EPB41L4B: variants seen among roughly 807,000 people sequenced by gnomAD.
The protein encoded by EPB41L4B is band 4.1-like protein 4B.
A neutral mutation model predicts 112.5 loss-of-function variants in EPB41L4B; 30 were observed. That is an observed-to-expected ratio of 0.27 (90% confidence interval 0.20 to 0.36). EPB41L4B has a LOEUF of 0.36. EPB41L4B is among the 10% of genes least tolerant of loss of function. EPB41L4B has a pLI of 1.00. For synonymous variants in EPB41L4B, 408 were observed against 439.7 expected (o/e 0.93, Z 0.90); for missense variants, 1,024 against 1,133.3 (o/e 0.90, Z 1.38).
intron 1 of EPB41L4B, among the ~76,000 whole-genome samples, chr9:109,290,174 C>G (rs1342057181): frequency 6.6e-6 from 1 of 152,200 alleles, no homozygotes; most frequent in Non-Finnish European, 1.5e-5. Flanking sequence ...GCAATATGAC[C>G]ATGGCCTTAG....
At chr9:109,295,095 G>A (rs1420437242) in intron 1 of EPB41L4B, among the ~76,000 whole-genome samples, 1 of 152,058 alleles carries the variant, frequency 6.6e-6, no homozygotes, top group Non-Finnish European at 1.5e-5. Flanking sequence ...AAGAGTCCTG[G>A]CACCCAACTC....
chr9:109,221,875 T>C (rs1211220478), intron 15 of EPB41L4B, among the ~76,000 whole-genome samples: 1 of 152,136 alleles, frequency 6.6e-6, no homozygotes, highest in Non-Finnish European at 1.5e-5. Flanking sequence ...CAAATAGATA[T>C]CATCTGTCAT....
chr9:109,189,623 TTTTTA>T (rs1374620039), intron 22 of EPB41L4B, among the ~76,000 whole-genome samples: 1 of 152,176 alleles, frequency 6.6e-6, no homozygotes, highest in Non-Finnish European at 1.5e-5. Context: ...GTTCTTTTTC[TTTTTA>T]TTTATTTATT....
intron 4 of EPB41L4B, among the ~76,000 whole-genome samples, chr9:109,266,201 G>A (rs910470541): frequency 6.6e-6 from 1 of 152,128 alleles, no homozygotes; most frequent in African/African-American, 2.4e-5. Flanking sequence ...GCAAAACGCT[G>A]TCTCTATTTT....
At chr9:109,308,099 C>T (rs1458968576) in intron 1 of EPB41L4B, among the ~76,000 whole-genome samples, 1 of 152,108 alleles carries the variant, frequency 6.6e-6, no homozygotes, top group African/African-American at 2.4e-5. Flanking sequence ...GCCCAATTCC[C>T]TTCTCATTGA....
chr9:109,216,647 CA>C (rs10568620), intron 16 of EPB41L4B, among the ~76,000 whole-genome samples: 14,273 of 132,358 alleles, frequency 0.11, 771 homozygotes, highest in East Asian at 0.15. Context: ...GACTCCATCT[CA>C]AAAAAAAAAA....
At chr9:109,274,319 TG>T (rs1293049732) in intron 2 of EPB41L4B, among the ~76,000 whole-genome samples, 1 of 152,106 alleles carries the variant, frequency 6.6e-6, no homozygotes. Context: ...TTACTACCAC[TG>T]CCCCAAATCC....
chr9:109,319,932 G>T (rs1298163787), intron 1 of EPB41L4B, among the ~76,000 whole-genome samples: 2 of 152,166 alleles, frequency 1.3e-5, no homozygotes, highest in African/African-American at 2.4e-5. Flanking sequence ...GTGCCAAGGA[G>T]GGGGCACGGG....
intron 1 of EPB41L4B, among the ~76,000 whole-genome samples, chr9:109,286,119 T>C (rs909887671): frequency 2.7e-4 from 35 of 129,100 alleles, no homozygotes; most frequent in African/African-American, 1.0e-3. Flanking sequence ...AGGCGCTCCA[T>C]AAATGACTAT....
intron 7 of EPB41L4B, among the ~76,000 whole-genome samples, chr9:109,257,958 T>G (rs1288145586): frequency 6.6e-6 from 1 of 152,174 alleles, no homozygotes; most frequent in Non-Finnish European, 1.5e-5. Flanking sequence ...ATAGTGCCAC[T>G]GCACTCTGGC....
At chr9:109,203,626 G>C (rs1564263055) in intron 19 of EPB41L4B, 37 bp downstream of exon 19, 1 of 1,479,698 alleles carries the variant, frequency 6.8e-7, no homozygotes, top group Non-Finnish European at 9.5e-7. Context: ...ATGATACAGA[G>C]AATATCATTT....
At chr9:109,319,159 G>A (rs1298772662) in intron 1 of EPB41L4B, among the ~76,000 whole-genome samples, 1 of 152,168 alleles carries the variant, frequency 6.6e-6, no homozygotes, top group Non-Finnish European at 1.5e-5. Flanking sequence ...GGTGCACAGT[G>A]GGCGCCCGAT....
intron 20 of EPB41L4B, among the ~76,000 whole-genome samples, chr9:109,196,468 C>T (rs913389717): frequency 2.8e-4 from 42 of 152,196 alleles, no homozygotes; most frequent in African/African-American, 8.7e-4. Flanking sequence ...CCTGTAATCC[C>T]GGCACTCTGG....
At chr9:109,236,639 T>G (rs1279429177) in intron 15 of EPB41L4B, among the ~76,000 whole-genome samples, 1 of 152,220 alleles carries the variant, frequency 6.6e-6, no homozygotes, top group Non-Finnish European at 1.5e-5. Context: ...GTCCAAGCCA[T>G]TCTTTAGCTC....
At chr9:109,282,145 G>GCCA (rs1836088765) in intron 1 of EPB41L4B, among the ~76,000 whole-genome samples, 1 of 152,190 alleles carries the variant, frequency 6.6e-6, no homozygotes, top group Non-Finnish European at 1.5e-5. Flanking sequence ...GACACAAGGA[G>GCCA]CCACCACACA....
intron 5 of EPB41L4B, among the ~76,000 whole-genome samples, chr9:109,264,154 C>G (rs1835317454): frequency 6.6e-6 from 1 of 152,134 alleles, no homozygotes; most frequent in South Asian, 2.1e-4. Flanking sequence ...ATACACTGTA[C>G]AATCTACTTG....
chr9:109,272,778 A>G (rs377044198), intron 2 of EPB41L4B, among the ~76,000 whole-genome samples: 4 of 152,310 alleles, frequency 2.6e-5, no homozygotes, highest in African/African-American at 9.6e-5. Flanking sequence ...GTTTGTGTTT[A>G]AACTAGAGCT....
chr9:109,232,401 C>T (rs574403047), intron 15 of EPB41L4B, among the ~76,000 whole-genome samples: 1 of 152,186 alleles, frequency 6.6e-6, no homozygotes, highest in African/African-American at 2.4e-5. Flanking sequence ...TTTCCCCTAA[C>T]CACTTGTTTA....
At position 109,241,471 on chromosome 9, in the gene EPB41L4B, G is replaced by A. The variant is rs41278389; in HGVS notation, c.1409+2147C>T. 1.3e-3 allele frequency: 1,783 copies of A among 1,361,430 alleles called. 3 individuals carry two copies. The highest frequency in any genetic ancestry group is 1.5e-3 in the Non-Finnish European group (1,598 of 1,059,862). 84.3% of individuals were successfully genotyped at this position (1,361,430 alleles called of 1,614,324 possible). On this transcript the variant is annotated intron_variant, in intron 15 of 25. Coordinates refer to ENST00000374566, the MANE Select transcript of EPB41L4B (RefSeq NM_019114.5). The stretch of plus-strand genomic sequence containing the variant: ...CCTTTACCTTCATTTTAATGAGAAT[G>A]CAGTCAACAGTAAATTATGACAAGC...
Sources: gnomAD v4.1 joint callset for allele counts (sites outside exome capture counted in the v4.1 genomes callset) on GRCh38, gnomAD v4.1.1 for gene constraint, MANE v1.5 for transcripts, NCBI Gene and HGNC (gene_info 2026-07-23, HGNC 2026-07-21) for gene names.